The following PDE4D variants were observed in gnomAD, a reference collection of about 807,000 sequenced individuals.
PDE4D encodes the protein 3',5'-cyclic-AMP phosphodiesterase 4D.
A neutral mutation model predicts 87.4 loss-of-function variants in PDE4D; 24 were observed. The ratio of observed to expected loss-of-function variants is 0.27; its 90% CI spans 0.20 to 0.39. PDE4D has a LOEUF of 0.39. Among genes scored for constraint, PDE4D ranks in the 10% least tolerant of loss-of-function variants. The probability of loss-of-function intolerance (pLI) is 1.00; values close to 1 mark genes in which losing one functional copy is unlikely to be tolerated. For missense variants in PDE4D, 714 were observed against 1,041.0 expected (o/e 0.69, Z 4.32); for synonymous variants, 384 against 383.2 (o/e 1.00, Z -0.02).
chr5:60,438,484 G>C (rs531188755), intron 1 of PDE4D, among the ~76,000 whole-genome samples: 10 of 152,042 alleles, frequency 6.6e-5, no homozygotes, highest in Non-Finnish European at 1.5e-4. Flanking sequence ...GTAGAATATT[G>C]TGTGTATTTT....
At chr5:59,976,049 G>C (rs893783577) in intron 3 of PDE4D, among the ~76,000 whole-genome samples, 1 of 152,140 alleles carries the variant, frequency 6.6e-6, no homozygotes, top group Admixed American at 6.6e-5. Flanking sequence ...GCTGTGTTTT[G>C]TCTTGTTGAG....
intron 5 of PDE4D, among the ~76,000 whole-genome samples, chr5:59,128,613 C>A (rs10044993): frequency 0.81 from 123,741 of 152,148 alleles, 50,998 homozygotes; most frequent in Admixed American, 0.87. Context: ...AAGGTCATTT[C>A]GCTTGATGAT....
intron 1 of PDE4D, among the ~76,000 whole-genome samples, chr5:60,209,654 GTTATTACACTTAC>G (rs1401489030): frequency 1.3e-5 from 2 of 152,004 alleles, no homozygotes; most frequent in East Asian, 3.9e-4. Flanking sequence ...AGGTTAAGAA[GTTATTACACTTAC>G]GCTGGCAGAG....
At chr5:59,982,996 A>G (rs1384226100) in intron 3 of PDE4D, among the ~76,000 whole-genome samples, 2 of 152,218 alleles carry the variant, frequency 1.3e-5, no homozygotes, top group Non-Finnish European at 2.9e-5. Context: ...CCCATGAAGT[A>G]GGTGCTCGCA....
At chr5:59,851,622 A>G (rs1476422846) in intron 1 of PDE4D, among the ~76,000 whole-genome samples, 1 of 152,038 alleles carries the variant, frequency 6.6e-6, no homozygotes, top group Admixed American at 6.6e-5. Flanking sequence ...GAGTTAATAA[A>G]AAGGACTATT....
intron 2 of PDE4D, among the ~76,000 whole-genome samples, chr5:60,138,408 T>C (rs1386884150): frequency 6.6e-6 from 1 of 152,144 alleles, no homozygotes; most frequent in Non-Finnish European, 1.5e-5. Flanking sequence ...CTTCTATCTA[T>C]ATAATTTCAC....
chr5:59,460,776 T>C lies in PDE4D; in HGVS notation c.456-244808A>G, dbSNP rs190535996. Reference sequence around the variant, plus strand: ...TGACATCTAAACCCCAACAGTCTGGTAACCAAAAGGTTTATCTGTACCCCA... The same window carrying C: ...TGACATCTAAACCCCAACAGTCTGGCAACCAAAAGGTTTATCTGTACCCCA... On this transcript the variant is annotated intron_variant, in intron 1 of 14. Transcript: ENST00000340635. Among the ~76,000 whole-genome samples, 216 of 152,314 alleles carry C rather than the reference T, an allele frequency of 1.4e-3. 5 individuals are homozygous for C. The highest frequency in any genetic ancestry group is 0.014 in the Admixed American group (212 of 15,286).
chr5:60,044,636 T>C (rs2152871730), intron 2 of PDE4D, among the ~76,000 whole-genome samples: 2 of 152,264 alleles, frequency 1.3e-5, no homozygotes, highest in African/African-American at 4.8e-5. Context: ...GTTCTTGCGA[T>C]AGTTTACTGA....
chr5:60,184,307 G>C (rs529944498), intron 2 of PDE4D, among the ~76,000 whole-genome samples: 1 of 151,858 alleles, frequency 6.6e-6, no homozygotes, highest in Non-Finnish European at 1.5e-5. Flanking sequence ...TATATGAATA[G>C]TTTGCTTTCA....
chr5:59,282,368 C>T (rs1313458663), intron 1 of PDE4D, among the ~76,000 whole-genome samples: 2 of 151,874 alleles, frequency 1.3e-5, no homozygotes, highest in African/African-American at 2.4e-5. Context: ...AGGCTGCGCG[C>T]GGTGGCTCAT....
chr5:59,605,555 G>C (rs1477027795), intron 1 of PDE4D, among the ~76,000 whole-genome samples: 1 of 152,008 alleles, frequency 6.6e-6, no homozygotes. Flanking sequence ...CGTTATTATA[G>C]GCTAAAATTG....
chr5:59,146,058 T>G (rs1398557521), intron 5 of PDE4D, among the ~76,000 whole-genome samples: 1 of 151,900 alleles, frequency 6.6e-6, no homozygotes, highest in Non-Finnish European at 1.5e-5. Context: ...ACCTGGGAGG[T>G]GGAGGTTGCA....
At chr5:59,602,500 T>C (rs1045880282) in intron 1 of PDE4D, among the ~76,000 whole-genome samples, 2 of 152,046 alleles carry the variant, frequency 1.3e-5, no homozygotes, top group Non-Finnish European at 2.9e-5. Flanking sequence ...ATCCCATTTA[T>C]AATAGTTACA....
At chr5:60,121,811 C>G (rs1778708970) in intron 2 of PDE4D, among the ~76,000 whole-genome samples, 1 of 152,160 alleles carries the variant, frequency 6.6e-6, no homozygotes, top group Admixed American at 6.5e-5. Context: ...CTCATTTCAG[C>G]ATTAACCCAA....
intron 2 of PDE4D, among the ~76,000 whole-genome samples, chr5:60,022,875 C>T (rs1214937364): frequency 6.6e-6 from 1 of 152,052 alleles, no homozygotes; most frequent in South Asian, 2.1e-4. Context: ...ATTACATTGT[C>T]TCTCTCTCTT....
chr5:59,611,328 C>T (rs1828978767), intron 1 of PDE4D, among the ~76,000 whole-genome samples: 1 of 152,126 alleles, frequency 6.6e-6, no homozygotes, highest in African/African-American at 2.4e-5. Context: ...GCCCTCATGA[C>T]TTAATGACCT....
chr5:59,152,304 T>A (rs543712333), intron 5 of PDE4D, among the ~76,000 whole-genome samples: 10 of 151,744 alleles, frequency 6.6e-5, no homozygotes, highest in African/African-American at 2.4e-4. Context: ...ATGGAGGAAG[T>A]AGGAAAGAGA....
intron 1 of PDE4D, among the ~76,000 whole-genome samples, chr5:59,742,404 C>T (rs1758987301): frequency 6.6e-6 from 1 of 152,150 alleles, no homozygotes; most frequent in African/African-American, 2.4e-5. Context: ...ACATACCCCA[C>T]AAATTATCAT....
At chr5:59,435,537 A>G (rs562992523) in intron 1 of PDE4D, among the ~76,000 whole-genome samples, 1 of 152,146 alleles carries the variant, frequency 6.6e-6, no homozygotes, top group East Asian at 1.9e-4. Flanking sequence ...AACATTCTTC[A>G]TTCCTCAGTT....
Sources: allele counts gnomAD v4.1 joint callset (sites outside exome capture counted in the v4.1 genomes callset), GRCh38; gene constraint gnomAD v4.1.1; transcripts MANE v1.5; gene names NCBI Gene and HGNC (gene_info 2026-07-23, HGNC 2026-07-21).